Variants in NLRP13 observed in about 807,000 individuals in gnomAD.
The protein encoded by NLRP13 is NACHT, LRR and PYD domains-containing protein 13.
NLRP13 carries 82 observed loss-of-function variants against 94.4 expected under a neutral mutation model. That is an observed-to-expected ratio of 0.87 (90% CI 0.73 to 1.04). NLRP13 has a LOEUF of 1.04. Ranked by LOEUF, NLRP13 falls within the 50% of genes least tolerant of loss-of-function variation. The pLI, the probability that NLRP13 is intolerant of heterozygous loss-of-function variation, is 0.00. For synonymous variants in NLRP13, 553 were observed against 464.7 expected (o/e 1.19, Z -2.45); for missense variants, 1,426 against 1,230.8 (o/e 1.16, Z -2.37).
intron 4 of NLRP13, among the ~76,000 whole-genome samples, chr19:55,921,100 T>A (rs1864005122): frequency 6.6e-6 from 1 of 152,152 alleles, no homozygotes; most frequent in Non-Finnish European, 1.5e-5. Context: ...ATAATAGACG[T>A]TGAAGACTCA....
Position 55,907,845 on chromosome 19 carries a change from G to A in NLRP13, c.2394C>T (p.Val798=), listed in dbSNP as rs764604840. 5 of 1,613,814 alleles carry A rather than the reference G, an allele frequency of 3.1e-6. No homozygotes were observed. The highest frequency in any genetic ancestry group is 1.6e-4 in the Middle Eastern group (1 of 6,084). ...NFSSNKLGMT[V]PLILKALRHS... ...GTCTCAAAGCTTTAAGAATCAGGGG[G>A]ACAGTCATTCCCAGCTTGTTAGAGC... is the stretch of plus-strand genomic sequence containing the variant. The change falls in exon 7 of 11, where the codon GTC becomes GTT. Residue 798 remains valine (V), a synonymous_variant. Coordinates refer to ENST00000342929, the MANE Select transcript of NLRP13 (RefSeq NM_176810.2).
intron 9 of NLRP13, 69 bp downstream of exon 9, chr19:55,901,966 A>G: frequency 3.3e-6 from 5 of 1,510,902 alleles, no homozygotes; most frequent in Non-Finnish European, 4.5e-6. Context: ...TCAGGAACTC[A>G]GGCATTGGTG....
At chr19:55,901,298 A>T (rs912362762) in intron 9 of NLRP13, among the ~76,000 whole-genome samples, 1 of 152,172 alleles carries the variant, frequency 6.6e-6, no homozygotes, top group Non-Finnish European at 1.5e-5. Flanking sequence ...GCAAATCCTG[A>T]CCCCGTGCCC....
chr19:55,898,583 G>C (rs1273618425), intron 10 of NLRP13, among the ~76,000 whole-genome samples, 187 bp downstream of exon 10: 1 of 152,172 alleles, frequency 6.6e-6, no homozygotes, highest in Non-Finnish European at 1.5e-5. Flanking sequence ...GACCTCAGGT[G>C]ATCCACCCAC....
chr19:55,893,199 A>G (rs1985904100), downstream of NLRP13, among the ~76,000 whole-genome samples: 1 of 151,824 alleles, frequency 6.6e-6, no homozygotes, highest in Non-Finnish European at 1.5e-5. Context: ...GACCAGCCTG[A>G]CCAACATGGA....
rs1210787269 is a variant in NLRP13, at chr19:55,924,995, T to C, written c.360A>G (p.Glu120=). 3 of 1,614,172 alleles carry C rather than the reference T, an allele frequency of 1.9e-6. No homozygotes were observed. Among genetic ancestry groups the C allele is most frequent in the Non-Finnish European group, 2.5e-6 (3 of 1,180,016 alleles). Residue 120 remains glutamate (E), a synonymous_variant, in exon 2 of 11, where the codon GAA becomes GAG. Transcript: ENST00000342929. ...QTQELQDPTQ[E]DLEMLEAAAG... ...CTGCTGCTTCTAGCATCTCTAGATC[T>C]TCCTGGGTTGGATCTTGCAGCTCTT...
At position 55,912,554 on chromosome 19, in the gene NLRP13, G is replaced by A. The variant is rs1280243641; in HGVS notation, c.1263C>T (p.Ser421=). The change falls in exon 5 of 11, where the codon TCC becomes TCT. Residue 421 remains serine (S), a synonymous_variant. Coordinates refer to ENST00000342929, the MANE Select transcript of NLRP13 (RefSeq NM_176810.2). The part of the protein sequence containing the change: ...QLRKNETLFH[S]CSAPMVCWTV... ...TCCAACACACCATGGGGGCACTGCA[G>A]GAATGAAAGAGAGTTTCGTTTTTTC... is the stretch of plus-strand genomic sequence containing the variant. 4.3e-6 allele frequency: 7 copies of A among 1,613,976 alleles called. No homozygotes were observed. The South Asian group carries it at 4.4e-5, about 10-fold the overall frequency.
At chr19:55,896,740 G>T (rs1391909066) in intron 10 of NLRP13, among the ~76,000 whole-genome samples, 1 of 143,900 alleles carries the variant, frequency 6.9e-6, no homozygotes. Flanking sequence ...AATTGCTTGA[G>T]CCCACGGGGT....
rs199823855 is a variant in NLRP13, at chr19:55,932,155, G to A, written c.157C>T (p.Pro53Ser). The change falls in exon 1 of 11, where the codon CCG becomes TCG. Residue 53 changes from proline to serine, a missense_variant. By Grantham distance (74) the Pro-to-Ser change is moderately conservative. Coordinates refer to ENST00000342929, the MANE Select transcript of NLRP13 (RefSeq NM_176810.2). ...CTCAAGTTTGCCCAGGGGATACGCG[G>A]GAAGTGCCCCTGGGGGGCCGACCAG... ...DFWSAPQGHF[P>S]RIPWANLRAA... 3.7e-6 allele frequency: 6 copies of A among 1,614,170 alleles called. No individual in the cohort carries two copies. The South Asian group carries it at 4.4e-5, about 12-fold the overall frequency.
chr19:55,912,899 G>T lies in NLRP13; in HGVS notation c.918C>A (p.Leu306=), dbSNP rs1169577867. 1.9e-6 allele frequency: 3 copies of T among 1,614,056 alleles called. No individual in the cohort carries two copies. The Admixed American group carries it at 5.0e-5, about 27-fold the overall frequency. ...IEEFMSQPEK[L]LFIIDGFEEI... Reference sequence around the variant, plus strand: ...CCTCAAAGCCATCAATAATAAACAGGAGCTTCTCTGGTTGAGACATGAACT... The same window carrying T: ...CCTCAAAGCCATCAATAATAAACAGTAGCTTCTCTGGTTGAGACATGAACT... The change falls in exon 5 of 11, where the codon CTC becomes CTA. Residue 306 remains leucine (L), a synonymous_variant. Coordinates refer to ENST00000342929, the MANE Select transcript of NLRP13 (RefSeq NM_176810.2).
chr19:55,917,684 AT>A (rs1275680037), intron 4 of NLRP13, among the ~76,000 whole-genome samples: 2 of 152,038 alleles, frequency 1.3e-5, no homozygotes, highest in Non-Finnish European at 2.9e-5. Flanking sequence ...GGCAAAGAAG[AT>A]TTTTATATAA....
At chr19:55,896,159 T>C (rs1986003008) in intron 10 of NLRP13, 40 bp from the exon 11 acceptor site, 2 of 1,599,540 alleles carry the variant, frequency 1.3e-6, no homozygotes, top group Admixed American at 1.7e-5. Context: ...GATAGTCCTC[T>C]GAGACTGGGA....
At position 55,912,893 on chromosome 19, in the gene NLRP13, A is replaced by G; in HGVS notation, c.924T>C (p.Phe308=). ...EFMSQPEKLL[F]IIDGFEEIII... ...TTATTTCCTCAAAGCCATCAATAATAAACAGGAGCTTCTCTGGTTGAGACA... is the reference window on the plus strand; with the variant it reads ...TTATTTCCTCAAAGCCATCAATAATGAACAGGAGCTTCTCTGGTTGAGACA... Residue 308 remains phenylalanine, a synonymous_variant, in exon 5 of 11, where the codon TTT becomes TTC. Transcript: ENST00000342929. The G allele has an allele frequency of 6.2e-7, 1 of 1,614,224 alleles. No homozygotes were observed. Among genetic ancestry groups the G allele is most frequent in the Non-Finnish European group, 8.5e-7 (1 of 1,180,034 alleles).
intron 1 of NLRP13, among the ~76,000 whole-genome samples, chr19:55,931,663 C>T (rs866986622): frequency 4.7e-5 from 5 of 105,664 alleles, no homozygotes; most frequent in Admixed American, 1.2e-4. Context: ...GACCTCAGAT[C>T]GCACCACTGC....
chr19:55,915,960 C>T (rs1986664652), intron 4 of NLRP13, among the ~76,000 whole-genome samples: 1 of 152,184 alleles, frequency 6.6e-6, no homozygotes, highest in Non-Finnish European at 1.5e-5. Flanking sequence ...AACTACACAA[C>T]CCAATACAAA....
rs939131765 is a variant in NLRP13, at chr19:55,899,010, A to G, written c.2790-73T>C. ...AGCTGTGCTGTGTTTACAACTGCCC[A>G]TCTCACGTCCAAGGAAAGGAGACAC... On this transcript the variant is annotated intron_variant, in intron 9 of 10. Transcript: ENST00000342929. 2.0e-6 allele frequency: 3 copies of G among 1,468,204 alleles called. No homozygotes were observed. In the African/African-American group the frequency reaches 4.2e-5, roughly 21 times the overall value. 90.9% of individuals were successfully genotyped at this position (1,468,204 alleles called of 1,614,324 possible).
intron 9 of NLRP13, among the ~76,000 whole-genome samples, chr19:55,899,478 C>CG (rs1289740584): frequency 1.3e-5 from 2 of 151,328 alleles, no homozygotes; most frequent in African/African-American, 4.9e-5. Context: ...TTAAACCCAC[C>CG]CCCCCCATCC....
chr19:55,923,275 T>C (rs923027939), intron 4 of NLRP13, among the ~76,000 whole-genome samples: 14 of 152,150 alleles, frequency 9.2e-5, no homozygotes, highest in Non-Finnish European at 5.9e-5. Flanking sequence ...CTGTAGGAGA[T>C]CAGTCAGGGT....
intron 4 of NLRP13, among the ~76,000 whole-genome samples, chr19:55,922,446 G>C (rs1262454438): frequency 1.3e-5 from 2 of 152,046 alleles, no homozygotes; most frequent in Non-Finnish European, 2.9e-5. Flanking sequence ...TCCTGCCTCA[G>C]CCTCCCAAGT....
Sources: allele counts gnomAD v4.1 joint callset (sites outside exome capture counted in the v4.1 genomes callset), GRCh38; gene constraint gnomAD v4.1.1; transcripts MANE v1.5; gene names NCBI Gene and HGNC (gene_info 2026-07-23, HGNC 2026-07-21).